CHD5: variants seen among roughly 807,000 people sequenced by gnomAD.
CHD5 encodes the protein chromodomain helicase DNA binding protein 5, also known as ATP-dependent chromatin remodeler CHD5.
In CHD5, 69 loss-of-function variants were observed where a neutral mutation model predicts 230.3. The observed-to-expected ratio is 0.30, with a 90% confidence interval of 0.25 to 0.37. The LOEUF (loss-of-function observed/expected upper bound fraction) is 0.37, where lower values mean the gene tolerates loss of function less well. Among genes scored for constraint, CHD5 ranks in the 10% least tolerant of loss-of-function variants. The pLI is 1.00. For synonymous variants in CHD5, 1,064 were observed against 1,065.9 expected (o/e 1.00, Z 0.03); for missense variants, 1,827 against 2,622.8 (o/e 0.70, Z 6.63).
intron 1 of CHD5, among the ~76,000 whole-genome samples, chr1:6,175,511 G>C (rs969620433): frequency 6.7e-6 from 1 of 148,432 alleles, no homozygotes; most frequent in Non-Finnish European, 1.5e-5. Context: ...AATGGTGGAT[G>C]GGCAGATGGA....
In CHD5 at chr1:6,128,287, G is replaced by A; in HGVS notation, c.3731-69C>T. 2 of 1,504,476 alleles carry A rather than the reference G, an allele frequency of 1.3e-6. No homozygotes were observed. The highest frequency in any genetic ancestry group is 4.5e-5 in the East Asian group (2 of 44,052). The allele number at this position is 1,504,476 out of a possible 1,614,324, so 93.2% of individuals were successfully genotyped here. On this transcript the variant is annotated intron_variant, in intron 24 of 41. Coordinates refer to ENST00000262450, the MANE Select transcript of CHD5 (RefSeq NM_015557.3). The surrounding 1 kb of genome is among the most constrained non-coding windows in gnomAD (Gnocchi z 7.8). ...GTCCAGCCCCGGGGTCCCAGGAACA[G>A]ACTCCCAACAATGGCCCTTCCCATC...
At position 6,169,750 on chromosome 1, in the gene CHD5, G is replaced by A. The variant is rs371004435; in HGVS notation, c.80-1473C>T. On this transcript the variant is annotated intron_variant, in intron 1 of 41. Transcript: ENST00000262450. The stretch of plus-strand genomic sequence containing the variant: ...GTCCTCTAGAAGGGCCCACGAGAGA[G>A]CCGGCCCTTCATGCCAGCCTGCGGC... Among the ~76,000 whole-genome samples, 217 of 152,308 alleles carry A rather than the reference G, an allele frequency of 1.4e-3. 3 individuals carry two copies. The South Asian group carries it at 0.031, about 22-fold the overall frequency.
chr1:6,136,307 A>G (rs1398121272), intron 17 of CHD5, among the ~76,000 whole-genome samples: 2 of 152,182 alleles, frequency 1.3e-5, no homozygotes, highest in African/African-American at 4.8e-5. Context: ...AGCAGTTGAT[A>G]TTTACCAAAC....
chr1:6,154,323 C>T lies in CHD5; in HGVS notation c.745+337G>A, dbSNP rs914003555. Reference sequence around the variant, plus strand: ...CAACTCCCAGAAACCCAGGCTGGAGCGGCTCCACTCTGCGTACCTCTGGTC... The same window carrying T: ...CAACTCCCAGAAACCCAGGCTGGAGTGGCTCCACTCTGCGTACCTCTGGTC... On this transcript the variant is annotated intron_variant, in intron 5 of 41. Transcript: ENST00000262450. This position sits in a 1 kb window ranked among gnomAD's most constrained non-coding sequence, Gnocchi z 7.0. Among the ~76,000 whole-genome samples the T allele has an allele frequency of 1.3e-5, 2 of 152,154 alleles. No homozygotes were observed. Among genetic ancestry groups the T allele is most frequent in the Non-Finnish European group, 2.9e-5 (2 of 68,020 alleles).
Position 6,131,842 on chromosome 1 carries a change from G to A in CHD5, c.3145-94C>T. 1.4e-6 allele frequency: 1 copy of A among 729,224 alleles called. No individual in the cohort carries two copies. Among genetic ancestry groups the A allele is most frequent in the Admixed American group, 2.2e-5 (1 of 46,098 alleles). The allele number at this position is 729,224 out of a possible 1,614,324, so 45.2% of individuals were successfully genotyped here. ...CCCGCCACAGGCAGGGGAGGAGAGA[G>A]CTGCCTGCTAGGTGGGGAGACAGCT... On this transcript the variant is annotated intron_variant, in intron 20 of 41. Coordinates refer to ENST00000262450, the MANE Select transcript of CHD5 (RefSeq NM_015557.3). This position sits in a 1 kb window ranked among gnomAD's most constrained non-coding sequence, Gnocchi z 5.0.
At chr1:6,113,355 TA>T in intron 33 of CHD5, 2 of 440,670 alleles carry the variant, frequency 4.5e-6, no homozygotes, top group Admixed American at 2.5e-5. Context: ...GCCGAGGAGA[TA>T]AAGGCTCCCA....
Position 6,142,614 on chromosome 1 carries a change from G to A in CHD5, c.2044-9C>T. On this transcript the variant is annotated splice_polypyrimidine_tract_variant and intron_variant, in intron 13 of 41. Coordinates refer to ENST00000262450, the MANE Select transcript of CHD5 (RefSeq NM_015557.3). This position sits in a 1 kb window ranked among gnomAD's most constrained non-coding sequence, Gnocchi z 5.2. ...TCGAACTTGACCGTGGGCTGCAGGG[G>A]AGGCAGCGGTTCAGACACGCCCCAG... 1 of 1,606,722 alleles carries A rather than the reference G, an allele frequency of 6.2e-7. No individual in the cohort carries two copies. Among genetic ancestry groups the A allele is most frequent in the Non-Finnish European group, 8.5e-7 (1 of 1,176,350 alleles).
At chr1:6,172,494 G>A (rs1003786465) in intron 1 of CHD5, among the ~76,000 whole-genome samples, 2 of 152,130 alleles carry the variant, frequency 1.3e-5, no homozygotes, top group Non-Finnish European at 2.9e-5. Context: ...CTGGCTCAGG[G>A]TTCTATTCTT....
chr1:6,166,596 C>T (rs12134795), intron 2 of CHD5, among the ~76,000 whole-genome samples: 35,031 of 151,948 alleles, frequency 0.23, 5,875 homozygotes, highest in African/African-American at 0.48. Context: ...CAGTCCAGGG[C>T]GGGCTCTGCC....
intron 33 of CHD5, among the ~76,000 whole-genome samples, chr1:6,114,255 A>AC (rs1571140385): frequency 6.6e-6 from 1 of 151,426 alleles, no homozygotes; most frequent in East Asian, 1.9e-4. Context: ...TCCGTCTCAA[A>AC]AAAAAAAAAA....
In CHD5 at chr1:6,125,918, G is replaced by T; in HGVS notation, c.4079-60C>A. 2.3e-6 allele frequency: 3 copies of T among 1,326,084 alleles called. No individual in the cohort carries two copies. Among genetic ancestry groups the T allele is most frequent in the Non-Finnish European group, 3.2e-6 (3 of 929,154 alleles). 82.1% of individuals were successfully genotyped at this position (1,326,084 alleles called of 1,614,324 possible). On this transcript the variant is annotated intron_variant, in intron 26 of 41. Coordinates refer to ENST00000262450, the MANE Select transcript of CHD5 (RefSeq NM_015557.3). This position sits in a 1 kb window ranked among gnomAD's most constrained non-coding sequence, Gnocchi z 6.7. The stretch of plus-strand genomic sequence containing the variant: ...CTGTACAAGCAAAGCCCACCCTCAA[G>T]TTCAAGCATGCCCAGGGCCACGCCG...
chr1:6,116,100 C>G (rs1366357181), intron 33 of CHD5, among the ~76,000 whole-genome samples: 1 of 152,198 alleles, frequency 6.6e-6, no homozygotes, highest in African/African-American at 2.4e-5. Flanking sequence ...TGTGGTTGAA[C>G]AACACGTATT....
rs367982386 is a variant in CHD5 at position 6,142,993 on chromosome 1, A to G, written c.2044-388T>C. 2.6e-5 allele frequency among the ~76,000 whole-genome samples: 4 copies of G among 152,092 alleles called. No individual in the cohort carries two copies. Among genetic ancestry groups the G allele is most frequent in the South Asian group, 4.1e-4 (2 of 4,826 alleles). On this transcript the variant is annotated intron_variant, in intron 13 of 41. Coordinates refer to ENST00000262450, the MANE Select transcript of CHD5 (RefSeq NM_015557.3). This position sits in a 1 kb window ranked among gnomAD's most constrained non-coding sequence, Gnocchi z 5.2. The stretch of plus-strand genomic sequence containing the variant: ...CACCATTTTTTGGATGAACAACAAA[A>G]CGAACATCCATCTGGGGCATTCGCA...
At chr1:6,171,929 C>A (rs1344702322) in intron 1 of CHD5, among the ~76,000 whole-genome samples, 9 of 152,264 alleles carry the variant, frequency 5.9e-5, no homozygotes, top group Non-Finnish European at 1.0e-4. Context: ...CCCTCCAGGG[C>A]CTGAGGCTCC....
chr1:6,107,151 G>A (rs1015741725), intron 38 of CHD5, among the ~76,000 whole-genome samples: 1 of 139,632 alleles, frequency 7.2e-6, no homozygotes, highest in Non-Finnish European at 1.5e-5. Context: ...ATAATGGAGC[G>A]AAGATGGAGG....
At chr1:6,106,893 AGGATGGAG>A (rs1306769298) in intron 38 of CHD5, 114 bp from the exon 39 acceptor site, 1 of 196,690 alleles carries the variant, frequency 5.1e-6, no homozygotes, top group Non-Finnish European at 8.1e-6. Context: ...GAGCAGTGGA[AGGATGGAG>A]GGATGGAAGG....
At chr1:6,114,042 G>A (rs1329932660) in intron 33 of CHD5, among the ~76,000 whole-genome samples, 1 of 152,228 alleles carries the variant, frequency 6.6e-6, no homozygotes, top group Non-Finnish European at 1.5e-5. Context: ...AAGGTCAGGA[G>A]TTCGAGACCA....
chr1:6,151,487 T>C (rs1667006904), intron 6 of CHD5, among the ~76,000 whole-genome samples: 1 of 152,120 alleles, frequency 6.6e-6, no homozygotes, highest in Admixed American at 6.5e-5. Flanking sequence ...CTCCAAGAAG[T>C]CTTCCCAGAT....
intron 20 of CHD5, among the ~76,000 whole-genome samples, chr1:6,133,114 T>G (rs1475724091): frequency 2.6e-5 from 4 of 152,204 alleles, no homozygotes; most frequent in Non-Finnish European, 4.4e-5. Flanking sequence ...CAGCATTCAC[T>G]TTTGTATGGG....
Sources: allele counts gnomAD v4.1 joint callset (sites outside exome capture counted in the v4.1 genomes callset), GRCh38; gene constraint gnomAD v4.1.1; non-coding constraint Gnocchi (gnomAD v3.1); transcripts MANE v1.5; gene names NCBI Gene and HGNC (gene_info 2026-07-23, HGNC 2026-07-21).